The following ITGA9 variants were observed in gnomAD, a reference collection of about 807,000 sequenced individuals.
The protein encoded by ITGA9 is integrin subunit alpha 9, also known as integrin alpha-9.
A neutral mutation model predicts 127.8 loss-of-function variants in ITGA9; 56 were observed. The ratio of observed to expected loss-of-function variants is 0.44; its 90% CI spans 0.35 to 0.55. ITGA9 has a LOEUF of 0.55. Among genes scored for constraint, ITGA9 ranks in the 20% least tolerant of loss-of-function variants. The pLI, the probability that ITGA9 is intolerant of heterozygous loss-of-function variation, is 0.00. For synonymous variants in ITGA9, 508 were observed against 514.5 expected, an observed-to-expected ratio of 0.99 and a Z score of 0.17; for missense variants, 1,196 against 1,347.1, an observed-to-expected ratio of 0.89 and a Z score of 1.76.
chr3:37,641,592 C>T (rs915581632), intron 16 of ITGA9, among the ~76,000 whole-genome samples: 1 of 152,146 alleles, frequency 6.6e-6, no homozygotes, highest in African/African-American at 2.4e-5. Context: ...TTCCCTAGGC[C>T]AGGCCACCAT....
chr3:37,577,097 G>C (rs916007820), intron 15 of ITGA9, among the ~76,000 whole-genome samples: 1 of 152,192 alleles, frequency 6.6e-6, no homozygotes, highest in African/African-American at 2.4e-5. Context: ...TGGCACAGGT[G>C]GTCAGTGGGG....
At chr3:37,816,020 C>A (rs532605388) in intron 27 of ITGA9, among the ~76,000 whole-genome samples, 2 of 152,256 alleles carry the variant, frequency 1.3e-5, no homozygotes, top group Non-Finnish European at 2.9e-5. Flanking sequence ...CCCTTGGGGA[C>A]TGTGTAACAG....
In ITGA9 at chr3:37,469,898, C is replaced by T. The variant is rs183066878; in HGVS notation, c.186-1109C>T. The stretch of plus-strand genomic sequence containing the variant: ...GTAACCTCTGCCTCTTGGGTTCAAG[C>T]GATTCTCCTGCCTCAGCCTCTCAAG... On this transcript the variant is annotated intron_variant, in intron 1 of 27. Transcript: ENST00000264741. Among the ~76,000 whole-genome samples, 186 of 152,218 alleles carry T rather than the reference C, an allele frequency of 1.2e-3. 1 individual carries two copies. Among genetic ancestry groups the T allele is most frequent in the Non-Finnish European group, 5.9e-4 (40 of 68,016 alleles).
At chr3:37,536,049 G>T (rs1304063489) in intron 14 of ITGA9, among the ~76,000 whole-genome samples, 1 of 152,176 alleles carries the variant, frequency 6.6e-6, no homozygotes, top group Non-Finnish European at 1.5e-5. Flanking sequence ...CTAGAATTCA[G>T]CAAGGAAGGC....
chr3:37,747,604 A>G (rs1174221275), intron 22 of ITGA9, among the ~76,000 whole-genome samples: 1 of 140,474 alleles, frequency 7.1e-6, no homozygotes, highest in Non-Finnish European at 1.5e-5. Flanking sequence ...GCATGAGTTC[A>G]ATTGTTTTGG....
chr3:37,509,447 G>T (rs182923311), intron 8 of ITGA9, among the ~76,000 whole-genome samples: 1 of 152,166 alleles, frequency 6.6e-6, no homozygotes, highest in East Asian at 1.9e-4. Flanking sequence ...GGTCTTGGTG[G>T]AGGCCTTAGT....
chr3:37,725,530 G>C (rs1696178874), intron 18 of ITGA9, among the ~76,000 whole-genome samples: 1 of 152,306 alleles, frequency 6.6e-6, no homozygotes, highest in Middle Eastern at 3.4e-3. Flanking sequence ...AACATGCAGA[G>C]GAGCTTTGGG....
chr3:37,517,073 A>G (rs114568283), intron 9 of ITGA9, among the ~76,000 whole-genome samples: 5,796 of 152,352 alleles, frequency 0.038, 124 homozygotes, highest in Non-Finnish European at 0.051. Flanking sequence ...AAACAGTTTT[A>G]TAAACTTGTA....
chr3:37,809,253 G>C (rs1386379032), intron 27 of ITGA9, among the ~76,000 whole-genome samples: 1 of 151,736 alleles, frequency 6.6e-6, no homozygotes, highest in Admixed American at 6.6e-5. Context: ...GCCTGGCTAA[G>C]TTTTGTATTT....
chr3:37,500,581 T>C (rs2125568683), intron 5 of ITGA9, among the ~76,000 whole-genome samples: 1 of 152,304 alleles, frequency 6.6e-6, no homozygotes, highest in African/African-American at 2.4e-5. Context: ...TCCTCCTCTC[T>C]CTATTTTTTT....
chr3:37,797,324 C>T (rs553365790), intron 26 of ITGA9, among the ~76,000 whole-genome samples: 1 of 152,208 alleles, frequency 6.6e-6, no homozygotes. Context: ...CACTTCACTC[C>T]AGTCTAAGCA....
chr3:37,622,310 C>T (rs1490943438), intron 15 of ITGA9, among the ~76,000 whole-genome samples: 3 of 151,682 alleles, frequency 2.0e-5, no homozygotes, highest in South Asian at 2.1e-4. Flanking sequence ...AGGATGGTCT[C>T]GATCTTCTGA....
At chr3:37,482,756 G>A (rs1169854179) in intron 4 of ITGA9, among the ~76,000 whole-genome samples, 2 of 152,144 alleles carry the variant, frequency 1.3e-5, no homozygotes, top group African/African-American at 4.8e-5. Context: ...TCTGCAGGAG[G>A]CACAAACCCT....
intron 18 of ITGA9, among the ~76,000 whole-genome samples, chr3:37,716,043 C>T (rs1264790975): frequency 6.6e-6 from 1 of 152,220 alleles, no homozygotes; most frequent in Non-Finnish European, 1.5e-5. Context: ...AGGTGGGTGA[C>T]TTTGGCACCG....
chr3:37,554,234 G>T (rs972482055), intron 15 of ITGA9, among the ~76,000 whole-genome samples: 1 of 152,096 alleles, frequency 6.6e-6, no homozygotes, highest in African/African-American at 2.4e-5. Flanking sequence ...GGGTTATGGG[G>T]GTCAGGGTGA....
chr3:37,790,226 C>G, intron 26 of ITGA9: 1 of 557,030 alleles, frequency 1.8e-6, no homozygotes, highest in Non-Finnish European at 3.6e-6. Flanking sequence ...GACACAAGAT[C>G]TTTGGAATCA....
intron 23 of ITGA9, among the ~76,000 whole-genome samples, chr3:37,775,726 G>C (rs1696899162): frequency 6.6e-6 from 1 of 152,032 alleles, no homozygotes; most frequent in South Asian, 2.1e-4. Flanking sequence ...ATACACTGTT[G>C]GTGGGAGTAT....
chr3:37,489,999 A>G (rs1698652408), intron 4 of ITGA9, among the ~76,000 whole-genome samples: 1 of 152,144 alleles, frequency 6.6e-6, no homozygotes, highest in African/African-American at 2.4e-5. Flanking sequence ...CCTGGGGTTC[A>G]ACTGCATAGT....
intron 16 of ITGA9, among the ~76,000 whole-genome samples, chr3:37,650,842 A>C (rs533201204): frequency 6.6e-6 from 1 of 152,298 alleles, no homozygotes; most frequent in South Asian, 2.1e-4. Context: ...ACAGTGCCTA[A>C]GACAAAATTG....
Sources: gnomAD v4.1 joint callset for allele counts (sites outside exome capture counted in the v4.1 genomes callset) on GRCh38, gnomAD v4.1.1 for gene constraint, MANE v1.5 for transcripts, NCBI Gene and HGNC (gene_info 2026-07-23, HGNC 2026-07-21) for gene names.